Variants in ITPR1 observed in about 807,000 individuals in gnomAD.
ITPR1 encodes the protein inositol 1,4,5-trisphosphate receptor type 1, also known as inositol 1,4,5-trisphosphate-gated calcium channel ITPR1.
A neutral mutation model predicts 318.4 loss-of-function variants in ITPR1; 96 were observed. The ratio of observed to expected loss-of-function variants is 0.30; its 90% CI spans 0.26 to 0.36. The LOEUF is 0.36. Among genes scored for constraint, ITPR1 ranks in the 10% least tolerant of loss-of-function variants. The pLI is 1.00. For missense variants in ITPR1, 2,440 were observed against 3,460.2 expected (o/e 0.71, Z 7.40); for synonymous variants, 1,312 against 1,289.9 (o/e 1.02, Z -0.37).
intron 44 of ITPR1, among the ~76,000 whole-genome samples, chr3:4,752,443 A>T (rs1364936479): frequency 1.3e-5 from 2 of 152,206 alleles, no homozygotes; most frequent in African/African-American, 4.8e-5. Flanking sequence ...TCACAGAGTT[A>T]CGTGCAAAAA....
At chr3:4,506,450 T>A (rs1422877016) in intron 2 of ITPR1, among the ~76,000 whole-genome samples, 14 of 152,232 alleles carry the variant, frequency 9.2e-5, no homozygotes, top group Admixed American at 8.5e-4. Flanking sequence ...ACATCTCATC[T>A]TGTTTTTTCT....
intron 4 of ITPR1, among the ~76,000 whole-genome samples, chr3:4,617,593 A>G (rs2092434779): frequency 6.6e-6 from 1 of 152,220 alleles, no homozygotes; most frequent in Non-Finnish European, 1.5e-5. Flanking sequence ...TGGAGGAGAC[A>G]AACATTCAAA....
chr3:4,621,856 C>T (rs1300083781), intron 4 of ITPR1, among the ~76,000 whole-genome samples: 1 of 152,220 alleles, frequency 6.6e-6, no homozygotes, highest in Non-Finnish European at 1.5e-5. Flanking sequence ...CCTTTCTCCT[C>T]CTGCAACTCC....
rs759061301 is a variant in ITPR1, at chr3:4,658,130, C to A, written c.1003C>A (p.Pro335Thr). ...ECLEFQPSVD[P>T]DQDASRSRLR... is the part of the protein sequence containing the mutation. ...GGTGACTTTACCTCCTCAGGTGGACCCTGATCAGGACGCCTCTCGAAGTAG... is the reference window on the plus strand; with the variant it reads ...GGTGACTTTACCTCCTCAGGTGGACACTGATCAGGACGCCTCTCGAAGTAG... The change falls in exon 13 of 62, where the codon CCT becomes ACT. Residue 335 changes from proline (P) to threonine (T), a missense_variant. By Grantham distance (38) the Pro-to-Thr change is conservative (BLOSUM62 -1). Transcript: ENST00000649015. The A allele has an allele frequency of 1.9e-6, 3 of 1,611,542 alleles. No individual in the cohort carries two copies. In the Admixed American group the frequency reaches 5.0e-5, roughly 27 times the overall value.
chr3:4,820,084 T>A (rs1016569158), intron 60 of ITPR1, among the ~76,000 whole-genome samples: 1 of 152,224 alleles, frequency 6.6e-6, no homozygotes, highest in Non-Finnish European at 1.5e-5. Context: ...TGGGTGCCAG[T>A]GTGGATTTCC....
intron 3 of ITPR1, among the ~76,000 whole-genome samples, chr3:4,519,457 C>A (rs1045621253): frequency 6.6e-6 from 1 of 152,124 alleles, no homozygotes; most frequent in South Asian, 2.1e-4. Context: ...AATCTCTTGA[C>A]CTCGTGATCC....
intron 44 of ITPR1, chr3:4,735,624 A>T: frequency 2.2e-6 from 1 of 450,998 alleles, no homozygotes; most frequent in Non-Finnish European, 4.0e-6. Context: ...GATCTGGCAC[A>T]TAGTGGGCAC....
At position 4,626,184 on chromosome 3, in the gene ITPR1, CTG is replaced by C. The variant is rs36079707; in HGVS notation, c.164-1555_164-1554del. ...AATTGGTGGCTATACCCTAAACTTT[CTG>C]TGTGTGTGTGTGTGTGTGTGTGTAT... On this transcript the variant is annotated intron_variant, in intron 4 of 61. Transcript: ENST00000649015. Among the ~76,000 whole-genome samples the C allele has an allele frequency of 2.3e-3, 338 of 147,510 alleles. 2 individuals are homozygous for C. The highest frequency in any genetic ancestry group is 7.0e-3 in the East Asian group (35 of 5,034).
At chr3:4,727,599 A>G (rs1357559438) in intron 42 of ITPR1, among the ~76,000 whole-genome samples, 1 of 152,184 alleles carries the variant, frequency 6.6e-6, no homozygotes, top group Non-Finnish European at 1.5e-5. Flanking sequence ...TTTTAGAGAC[A>G]GATATTACTC....
chr3:4,773,776 C>G (rs1432842757), intron 46 of ITPR1, among the ~76,000 whole-genome samples: 1 of 152,170 alleles, frequency 6.6e-6, no homozygotes, highest in Non-Finnish European at 1.5e-5. Context: ...TCTGGTTTCC[C>G]TTAGAGAAAC....
intron 4 of ITPR1, among the ~76,000 whole-genome samples, chr3:4,583,691 G>T (rs982343037): frequency 3.3e-5 from 5 of 152,142 alleles, no homozygotes; most frequent in Non-Finnish European, 5.9e-5. Context: ...CCTGGAAAGG[G>T]CTGTTTCACC....
At chr3:4,495,643 A>G (rs1049477308) in intron 2 of ITPR1, among the ~76,000 whole-genome samples, 1 of 152,252 alleles carries the variant, frequency 6.6e-6, no homozygotes, top group Non-Finnish European at 1.5e-5. Flanking sequence ...TAAAAATAAT[A>G]AGATGGACAC....
chr3:4,734,241 C>A (rs1221053889), intron 43 of ITPR1, among the ~76,000 whole-genome samples: 1 of 152,216 alleles, frequency 6.6e-6, no homozygotes, highest in Non-Finnish European at 1.5e-5. Flanking sequence ...CAAAACCATT[C>A]TCTTTACTTT....
intron 39 of ITPR1, 118 bp from the exon 40 acceptor site, chr3:4,717,249 A>G (rs1263701216): frequency 1.1e-5 from 10 of 889,972 alleles, no homozygotes; most frequent in Non-Finnish European, 1.8e-5. Context: ...ATGGTTACCC[A>G]TCTAGCAAGG....
chr3:4,683,403 T>A lies in ITPR1; in HGVS notation c.3179T>A (p.Leu1060Gln). 6.2e-7 allele frequency: 1 copy of A among 1,614,024 alleles called. No homozygotes were observed. The highest frequency in any genetic ancestry group is 8.5e-7 in the Non-Finnish European group (1 of 1,179,886). ...IFGGSEENTP[L>Q]DLDDHGGRTF... ...TCCTTTAGTGAGGAGAACACCCCAC[T>A]GGACTTGGATGACCACGGCGGCAGA... is the stretch of plus-strand genomic sequence containing the variant. Residue 1060 changes from leucine (L) to glutamine (Q), a missense_variant, in exon 27 of 62, where the codon CTG (leucine) becomes CAG (glutamine). Coordinates refer to ENST00000649015, the MANE Select transcript of ITPR1 (RefSeq NM_001378452.1).
chr3:4,541,729 C>T (rs1048981582), intron 4 of ITPR1, among the ~76,000 whole-genome samples: 3 of 151,898 alleles, frequency 2.0e-5, no homozygotes, highest in Non-Finnish European at 4.4e-5. Context: ...AGGTTCAAGC[C>T]GTTCTCCTGC....
At chr3:4,803,275 A>AT (rs1388017173) in intron 54 of ITPR1, among the ~76,000 whole-genome samples, 14 of 152,236 alleles carry the variant, frequency 9.2e-5, no homozygotes, top group African/African-American at 1.9e-4. Flanking sequence ...AAGTTAACAG[A>AT]TTTGGGGGGG....
At chr3:4,814,033 A>G (rs577327127) in intron 57 of ITPR1, among the ~76,000 whole-genome samples, 5 of 152,320 alleles carry the variant, frequency 3.3e-5, no homozygotes, top group African/African-American at 1.2e-4. Flanking sequence ...CACCATTCCC[A>G]GTGAGGAACC....
intron 2 of ITPR1, among the ~76,000 whole-genome samples, chr3:4,505,549 C>T (rs1367677938): frequency 2.0e-5 from 3 of 152,170 alleles, no homozygotes; most frequent in South Asian, 2.1e-4. Context: ...AAAACCAGCA[C>T]CAAAGGACGT....
Sources: allele counts gnomAD v4.1 joint callset (sites outside exome capture counted in the v4.1 genomes callset), GRCh38; gene constraint gnomAD v4.1.1; transcripts MANE v1.5; gene names NCBI Gene and HGNC (gene_info 2026-07-23, HGNC 2026-07-21).